Variants in SMYD3 observed in about 807,000 individuals in gnomAD.
SMYD3 encodes SET and MYND domain containing 3.
A neutral mutation model predicts 57.7 loss-of-function variants in SMYD3; 36 were observed. The ratio of observed to expected loss-of-function variants is 0.62; its 90% CI spans 0.48 to 0.82. SMYD3 has a LOEUF of 0.82. Ranked by LOEUF, SMYD3 falls within the 40% of genes least tolerant of loss-of-function variation. The pLI is 0.00. For missense variants in SMYD3, 515 were observed against 538.8 expected (o/e 0.96, Z 0.44); for synonymous variants, 211 against 195.0 (o/e 1.08, Z -0.68).
chr1:246,372,457 A>T (rs541956716), intron 1 of SMYD3, among the ~76,000 whole-genome samples: 1 of 152,360 alleles, frequency 6.6e-6, no homozygotes, highest in Admixed American at 6.5e-5. Context: ...GGCTATGACT[A>T]CAAGTCATTT....
In SMYD3 at chr1:246,122,125, C is replaced by T. The variant is rs143120897; in HGVS notation, c.532-192188G>A. Among the ~76,000 whole-genome samples the T allele has an allele frequency of 1.6e-4, 25 of 152,028 alleles. No homozygotes were observed. The East Asian group carries it at 3.5e-3, about 21-fold the overall frequency. The stretch of plus-strand genomic sequence containing the variant: ...TAAGTAGACACACTTATAAAGAATG[C>T]AGGGCCAGGAAAGGTAGCTCATGCC... On this transcript the variant is annotated intron_variant, in intron 5 of 11. Coordinates refer to ENST00000490107, the MANE Select transcript of SMYD3 (RefSeq NM_001167740.2).
intron 5 of SMYD3, among the ~76,000 whole-genome samples, chr1:246,275,969 G>C (rs1182734434): frequency 6.7e-6 from 1 of 149,432 alleles, no homozygotes; most frequent in Non-Finnish European, 1.5e-5. Context: ...ACACTGGCAG[G>C]TTATTTAATG....
chr1:246,260,447 TTTTG>T lies in SMYD3; in HGVS notation c.531+66750_531+66753del, dbSNP rs559637661. Among the ~76,000 whole-genome samples, 44 of 151,922 alleles carry T rather than the reference TTTTG, an allele frequency of 2.9e-4. No homozygotes were observed. In the East Asian group the frequency reaches 7.0e-3, roughly 24 times the overall value. On this transcript the variant is annotated intron_variant, in intron 5 of 11. Transcript: ENST00000490107. ...TTTTGTTGTTGTTGTTGTTGTTGTT[TTTTG>T]TTTGTTTGTTTCTTTTTTGAGACAG... is the stretch of plus-strand genomic sequence containing the variant.
At chr1:246,182,059 T>C (rs776765988) in intron 5 of SMYD3, among the ~76,000 whole-genome samples, 1 of 152,138 alleles carries the variant, frequency 6.6e-6, no homozygotes, top group Non-Finnish European at 1.5e-5. Flanking sequence ...AAAGAGAAAA[T>C]TGAGTTAACA....
At chr1:246,126,364 G>A (rs995276724) in intron 5 of SMYD3, among the ~76,000 whole-genome samples, 7 of 152,174 alleles carry the variant, frequency 4.6e-5, no homozygotes, top group African/African-American at 1.4e-4. Context: ...CAGACTTGCC[G>A]GTAGGTGAGA....
At chr1:246,310,661 CTTTTTT>C (rs386370347) in intron 5 of SMYD3, among the ~76,000 whole-genome samples, 3 of 72,206 alleles carry the variant, frequency 4.2e-5, no homozygotes, top group South Asian at 7.0e-4. Flanking sequence ...AAGAGTAAGG[CTTTTTT>C]TTTTTTTTTT....
chr1:246,065,712 A>C (rs116352710), intron 5 of SMYD3, among the ~76,000 whole-genome samples: 1 of 152,348 alleles, frequency 6.6e-6, no homozygotes, highest in African/African-American at 2.4e-5. Flanking sequence ...TTAGCACTTC[A>C]AATGTGAGAA....
chr1:245,803,598 G>C (rs573618316), intron 10 of SMYD3, among the ~76,000 whole-genome samples: 1 of 152,204 alleles, frequency 6.6e-6, no homozygotes, highest in Non-Finnish European at 1.5e-5. Context: ...CCCCAGCCAC[G>C]TGGAGGCTAA....
At chr1:245,897,208 A>G (rs372334981) in intron 8 of SMYD3, among the ~76,000 whole-genome samples, 1 of 152,238 alleles carries the variant, frequency 6.6e-6, no homozygotes, top group East Asian at 1.9e-4. Context: ...CTTTAAGCTG[A>G]ACCAGTAAGC....
At chr1:245,826,234 C>G (rs1243585609) in intron 10 of SMYD3, among the ~76,000 whole-genome samples, 1 of 151,816 alleles carries the variant, frequency 6.6e-6, no homozygotes, top group Non-Finnish European at 1.5e-5. Flanking sequence ...TGGCAACCAC[C>G]TTTTTACGTT....
intron 5 of SMYD3, among the ~76,000 whole-genome samples, chr1:246,143,367 C>T (rs2061792399): frequency 6.6e-6 from 1 of 152,162 alleles, no homozygotes; most frequent in African/African-American, 2.4e-5. Context: ...CTCTCCATAA[C>T]ACATTTTGAA....
At chr1:245,774,636 C>T (rs1386405547) in intron 10 of SMYD3, among the ~76,000 whole-genome samples, 5 of 127,088 alleles carry the variant, frequency 3.9e-5, no homozygotes, top group Non-Finnish European at 8.7e-5. Flanking sequence ...TCCCTCTCCC[C>T]ACAGTCTCCC....
intron 5 of SMYD3, among the ~76,000 whole-genome samples, chr1:245,988,738 G>A (rs2058753483): frequency 6.6e-6 from 1 of 152,228 alleles, no homozygotes; most frequent in African/African-American, 2.4e-5. Context: ...ATCAGCAGAT[G>A]GTGTTCCTCT....
At chr1:246,438,595 T>C (rs918110716) in intron 1 of SMYD3, among the ~76,000 whole-genome samples, 3 of 152,298 alleles carry the variant, frequency 2.0e-5, no homozygotes, top group African/African-American at 7.2e-5. Flanking sequence ...TAAAATGGCA[T>C]AGTATTTGCA....
intron 5 of SMYD3, among the ~76,000 whole-genome samples, chr1:246,169,473 C>T (rs1435225667): frequency 6.7e-6 from 1 of 148,380 alleles, no homozygotes; most frequent in East Asian, 2.0e-4. Context: ...AAATAATGTT[C>T]CTGGAGTAGC....
chr1:245,953,899 C>G (rs1021903614), intron 5 of SMYD3, among the ~76,000 whole-genome samples: 2 of 152,150 alleles, frequency 1.3e-5, no homozygotes, highest in African/African-American at 4.8e-5. Flanking sequence ...CTCATTGTAC[C>G]TACAGAAACA....
chr1:246,302,773 C>T (rs2064913232), intron 5 of SMYD3, among the ~76,000 whole-genome samples: 2 of 152,052 alleles, frequency 1.3e-5, no homozygotes, highest in South Asian at 2.1e-4. Context: ...CTAGACTTTA[C>T]AAGAACTGGC....
intron 1 of SMYD3, among the ~76,000 whole-genome samples, chr1:246,413,085 G>T (rs1195486135): frequency 6.6e-6 from 1 of 152,104 alleles, no homozygotes; most frequent in Non-Finnish European, 1.5e-5. Context: ...AACCCAATTT[G>T]TCTAATTCTA....
chr1:246,168,282 C>A (rs571081352), intron 5 of SMYD3, among the ~76,000 whole-genome samples: 12 of 152,250 alleles, frequency 7.9e-5, no homozygotes, highest in Non-Finnish European at 1.6e-4. Context: ...TACTTGTGTA[C>A]TTCCATAAGG....
Sources: allele counts gnomAD v4.1 joint callset (sites outside exome capture counted in the v4.1 genomes callset), GRCh38; gene constraint gnomAD v4.1.1; transcripts MANE v1.5; gene names NCBI Gene and HGNC (gene_info 2026-07-23, HGNC 2026-07-21).